The following CPD variants were observed in gnomAD, a reference collection of about 807,000 sequenced individuals.
CPD encodes the protein metallocarboxypeptidase D.
In CPD, 69 loss-of-function variants were observed where a neutral mutation model predicts 138.3. That is an observed-to-expected ratio of 0.50 (90% CI 0.41 to 0.61). The LOEUF is 0.61. Ranked by LOEUF, CPD falls within the 20% of genes least tolerant of loss-of-function variation. The pLI is 0.00. For synonymous variants in CPD, 651 were observed against 642.1 expected, an observed-to-expected ratio of 1.01 and a Z score of -0.21; for missense variants, 1,432 against 1,733.3, an observed-to-expected ratio of 0.83 and a Z score of 3.09.
At chr17:30,418,994 T>C (rs1912191629) in intron 2 of CPD, among the ~76,000 whole-genome samples, 1 of 152,240 alleles carries the variant, frequency 6.6e-6, no homozygotes, top group African/African-American at 2.4e-5. Flanking sequence ...GTCTTACCAA[T>C]ATCTATCCTA....
At chr17:30,399,460 A>G (rs576356049) in intron 2 of CPD, among the ~76,000 whole-genome samples, 1 of 152,254 alleles carries the variant, frequency 6.6e-6, no homozygotes, top group African/African-American at 2.4e-5. Context: ...TTTTAGTTCT[A>G]TAAATTTTTG....
intron 7 of CPD, among the ~76,000 whole-genome samples, chr17:30,431,337 G>C (rs1912558385): frequency 6.6e-6 from 1 of 152,112 alleles, no homozygotes; most frequent in African/African-American, 2.4e-5. Flanking sequence ...TAAGTTGTAA[G>C]AGTTTTTAAA....
chr17:30,379,169 G>C lies in CPD; in HGVS notation c.189G>C (p.Glu63Asp). ...TCGACCGCTACTACCACGAAGAGGA[G>C]TTGGAGTCGGCGCTGAGGGAGGCGG... ...GQFDRYYHEEELESALREAAA... is the reference protein window; with the variant it reads ...GQFDRYYHEEDLESALREAAA... The change falls in exon 1 of 21, where the codon GAG becomes GAC. Residue 63 changes from glutamate (E) to aspartate (D), a missense_variant. Glu to Asp is a conservative substitution (Grantham distance 45). Around this residue, in one of 6 missense-constraint regions of CPD, gnomAD observed 484 missense variants for 477.2 expected, o/e 1.01. Transcript: ENST00000225719. The surrounding 1 kb of genome is among the most constrained non-coding windows in gnomAD (Gnocchi z 7.0). The C allele has an allele frequency of 2.0e-6, 3 of 1,534,714 alleles. No homozygotes were observed. Among genetic ancestry groups the C allele is most frequent in the South Asian group, 2.4e-5 (2 of 83,902 alleles).
chr17:30,398,838 T>A (rs1911577569), intron 2 of CPD, among the ~76,000 whole-genome samples: 1 of 150,736 alleles, frequency 6.6e-6, no homozygotes, highest in African/African-American at 2.4e-5. Context: ...AAAATAATTT[T>A]AAAAATAAAA....
intron 2 of CPD, among the ~76,000 whole-genome samples, chr17:30,391,700 A>G (rs1176231090): frequency 6.6e-6 from 1 of 152,086 alleles, no homozygotes; most frequent in Non-Finnish European, 1.5e-5. Context: ...GAGACAAATT[A>G]ATGAATTTCT....
rs562303421 is a variant in CPD, at chr17:30,429,840, A to G, written c.2018-1932A>G. On this transcript the variant is annotated intron_variant, in intron 7 of 20. Transcript: ENST00000225719. ...AATGAAAGATGAGGGTTATTTTACT[A>G]AGGTTTGTTTGTGTCAACTCATCTT... Among the ~76,000 whole-genome samples the G allele has an allele frequency of 4.6e-5, 7 of 152,262 alleles. No individual in the cohort carries two copies. The South Asian group carries it at 1.5e-3, about 32-fold the overall frequency.
chr17:30,379,414 C>A lies in CPD; in HGVS notation c.434C>A (p.Ser145Ter). Reference protein sequence around the residue: ...VGNMHGDETVSRQVLIYLARE... With the variant: ...VGNMHGDETV ...AACATGCATGGCGACGAGACCGTGT[C>A]GCGCCAGGTGTTGATCTACTTGGCC... The change falls in exon 1 of 21, where the codon TCG becomes TAG. Residue 145 changes from serine (S) to a stop codon, truncating the protein, a stop_gained. Coordinates refer to ENST00000225719, the MANE Select transcript of CPD (RefSeq NM_001304.5). LOFTEE classifies it high-confidence loss of function. The surrounding 1 kb of genome is among the most constrained non-coding windows in gnomAD (Gnocchi z 7.0). 1.3e-6 allele frequency: 2 copies of A among 1,558,442 alleles called. No homozygotes were observed. Among genetic ancestry groups the A allele is most frequent in the Non-Finnish European group, 1.7e-6 (2 of 1,161,486 alleles).
intron 2 of CPD, among the ~76,000 whole-genome samples, chr17:30,411,436 A>G (rs1029810166): frequency 6.6e-5 from 10 of 152,130 alleles, no homozygotes; most frequent in African/African-American, 2.4e-4. Context: ...TCTCCTGGAT[A>G]ATATCCTGAA....
Position 30,379,326 on chromosome 17 carries a change from G to A in CPD, c.346G>A (p.Ala116Thr). 1 of 1,490,534 alleles carries A rather than the reference G, an allele frequency of 6.7e-7. No homozygotes were observed. The highest frequency in any genetic ancestry group is 1.5e-5 in the African/African-American group (1 of 68,340). 92.3% of individuals were successfully genotyped at this position (1,490,534 alleles called of 1,614,324 possible). Residue 116 changes from alanine to threonine, a missense_variant, in exon 1 of 21, where the codon GCT becomes ACT. Transcript: ENST00000225719. The surrounding 1 kb of genome is among the most constrained non-coding windows in gnomAD (Gnocchi z 7.0). The stretch of plus-strand genomic sequence containing the variant: ...CCCTGAGGGCGACGCGGGGCCTGAC[G>A]CTGCCGGGCCCGACGCTGCGGGGCC... ...LIPEGDAGPD[A>T]AGPDAAGPLL...
chr17:30,434,841 C>T (rs1353486655), intron 8 of CPD, among the ~76,000 whole-genome samples: 1 of 149,718 alleles, frequency 6.7e-6, no homozygotes, highest in Non-Finnish European at 1.5e-5. Flanking sequence ...TTTGCTAGAC[C>T]GACAGAAAAG....
intron 17 of CPD, among the ~76,000 whole-genome samples, chr17:30,459,282 G>A (rs1444766050): frequency 6.6e-6 from 1 of 150,416 alleles, no homozygotes. Context: ...ACAACGTGCA[G>A]GTTAGTTACA....
intron 7 of CPD, among the ~76,000 whole-genome samples, chr17:30,427,878 T>G (rs567029626): frequency 8.6e-5 from 13 of 151,670 alleles, no homozygotes; most frequent in African/African-American, 3.1e-4. Flanking sequence ...CTTTCTTCTC[T>G]GTCTTGTCTT....
intron 2 of CPD, among the ~76,000 whole-genome samples, chr17:30,416,184 T>A (rs1221599602): frequency 6.6e-6 from 1 of 151,960 alleles, no homozygotes; most frequent in Non-Finnish European, 1.5e-5. Context: ...AATACAAAAT[T>A]AGCCGGGCGT....
chr17:30,422,970 C>T lies in CPD; in HGVS notation c.1604C>T (p.Ser535Leu), dbSNP rs751335179. The T allele has an allele frequency of 1.9e-6, 3 of 1,613,906 alleles. No homozygotes were observed. Among genetic ancestry groups the T allele is most frequent in the East Asian group, 4.5e-5 (2 of 44,874 alleles). The change falls in exon 5 of 21, where the codon TCA becomes TTA. Residue 535 changes from serine to leucine, a missense_variant. By Grantham distance (145) the Ser-to-Leu change is moderately radical (BLOSUM62 -2). Around this residue, in one of 6 missense-constraint regions of CPD, gnomAD observed 297 missense variants for 405.3 expected, o/e 0.73. Coordinates refer to ENST00000225719, the MANE Select transcript of CPD (RefSeq NM_001304.5). ...TATTCCTTGGGAAAATCAGTAGAGT[C>T]AAGAGAACTTTATGTGATGGAGATA... Reference protein sequence around the residue: ...RLYSLGKSVESRELYVMEISD... With the variant: ...RLYSLGKSVELRELYVMEISD...
chr17:30,381,715 A>T (rs1911052979), intron 1 of CPD, among the ~76,000 whole-genome samples: 1 of 152,210 alleles, frequency 6.6e-6, no homozygotes, highest in Non-Finnish European at 1.5e-5. Context: ...TATGGATGGG[A>T]TATTTTTAAA....
intron 6 of CPD, among the ~76,000 whole-genome samples, chr17:30,425,024 T>C (rs1912366659): frequency 6.6e-6 from 1 of 152,178 alleles, no homozygotes; most frequent in Non-Finnish European, 1.5e-5. Context: ...CCTAAGGTTC[T>C]CATTCTTTGT....
Position 30,442,419 on chromosome 17 carries a change from A to G in CPD, c.2342A>G (p.Asn781Ser). The G allele has an allele frequency of 6.2e-7, 1 of 1,613,444 alleles. No individual in the cohort carries two copies. Among genetic ancestry groups the G allele is most frequent in the Non-Finnish European group, 8.5e-7 (1 of 1,179,552 alleles). ...GAGCTGCCAAACTTTTGGGAACAGAATCGAAGATCACTAATCCAGTTTATG... is the reference window on the plus strand; with the variant it reads ...GAGCTGCCAAACTTTTGGGAACAGAGTCGAAGATCACTAATCCAGTTTATG... Reference protein sequence around the residue: ...EKELPNFWEQNRRSLIQFMKQ... With the variant: ...EKELPNFWEQSRRSLIQFMKQ... Residue 781 changes from asparagine (N) to serine (S), a missense_variant, in exon 10 of 21, where the codon AAT becomes AGT. Physicochemically the swap from Asn to Ser is conservative, Grantham distance 46. Transcript: ENST00000225719.
At chr17:30,416,649 T>G (rs558608756) in intron 2 of CPD, among the ~76,000 whole-genome samples, 7 of 152,280 alleles carry the variant, frequency 4.6e-5, no homozygotes, top group Admixed American at 1.3e-4. Context: ...CTTACCAAAC[T>G]TTTCCCCCTG....
chr17:30,386,089 G>A (rs754463769), intron 2 of CPD, among the ~76,000 whole-genome samples: 3 of 152,072 alleles, frequency 2.0e-5, no homozygotes, highest in African/African-American at 4.8e-5. Context: ...CAGTGCAATA[G>A]TACAATCATA....
Sources: allele counts gnomAD v4.1 joint callset (sites outside exome capture counted in the v4.1 genomes callset), GRCh38; gene constraint gnomAD v4.1.1; regional missense constraint gnomAD v4.1.1; non-coding constraint Gnocchi (gnomAD v3.1); transcripts MANE v1.5; gene names NCBI Gene and HGNC (gene_info 2026-07-23, HGNC 2026-07-21).